The following KYAT3 variants were observed in gnomAD, a reference collection of about 807,000 sequenced individuals.
The protein encoded by KYAT3 is kynurenine--oxoglutarate transaminase 3.
In KYAT3, 50 loss-of-function variants were observed where a neutral mutation model predicts 59.0. The observed-to-expected ratio is 0.85, with a 90% CI of 0.68 to 1.07. The LOEUF is 1.07. KYAT3 is among the 50% of genes least tolerant of loss of function. KYAT3 has a pLI of 0.00. For synonymous variants in KYAT3, 148 were observed against 177.0 expected, an observed-to-expected ratio of 0.84 and a Z score of 1.30; for missense variants, 497 against 533.3, an observed-to-expected ratio of 0.93 and a Z score of 0.67.
chr1:88,962,872 G>T (rs906241363), intron 5 of KYAT3, among the ~76,000 whole-genome samples: 1 of 152,150 alleles, frequency 6.6e-6, no homozygotes, highest in East Asian at 1.9e-4. Context: ...AATACAAGGT[G>T]AGAGCACAAT....
chr1:88,990,881 T>C (rs74603347), intron 1 of KYAT3, among the ~76,000 whole-genome samples: 164 of 152,312 alleles, frequency 1.1e-3, no homozygotes, highest in Admixed American at 2.2e-3. Context: ...ATGAGATAAA[T>C]ACATTAAATT....
intron 4 of KYAT3, among the ~76,000 whole-genome samples, chr1:88,967,569 T>C (rs1676393408): frequency 1.3e-5 from 2 of 152,154 alleles, no homozygotes; most frequent in Admixed American, 6.5e-5. Context: ...ATTCATTTTC[T>C]TTCATTGACA....
At chr1:88,935,495 A>G (rs1675001238), downstream of KYAT3, among the ~76,000 whole-genome samples, 1 of 152,224 alleles carries the variant, frequency 6.6e-6, no homozygotes, top group African/African-American at 2.4e-5. Context: ...GAATCATAAA[A>G]GCCTCAGGGA....
chr1:88,961,888 G>A (rs3753683), intron 6 of KYAT3, among the ~76,000 whole-genome samples, 171 bp downstream of exon 6: 4 of 151,988 alleles, frequency 2.6e-5, no homozygotes, highest in Non-Finnish European at 5.9e-5. Context: ...ACTCACCTTA[G>A]TGTATTACTT....
intron 2 of KYAT3, among the ~76,000 whole-genome samples, chr1:88,986,326 A>T (rs78622419): frequency 1.5e-3 from 226 of 150,334 alleles, no homozygotes; most frequent in Non-Finnish European, 3.0e-3. Flanking sequence ...AAAAAAAAAA[A>T]TTAATAGACT....
intron 13 of KYAT3, among the ~76,000 whole-genome samples, chr1:88,936,797 G>A (rs1300617762): frequency 6.6e-6 from 1 of 152,234 alleles, no homozygotes; most frequent in African/African-American, 2.4e-5. Context: ...AGAGGTGTAA[G>A]CAGAGAAAAT....
At chr1:88,985,646 T>C (rs1677406914) in intron 2 of KYAT3, among the ~76,000 whole-genome samples, 1 of 152,194 alleles carries the variant, frequency 6.6e-6, no homozygotes, top group Admixed American at 6.5e-5. Flanking sequence ...GTTTCCTTAT[T>C]TGCTAAGCAG....
chr1:88,954,854 T>A (rs1675839146), intron 9 of KYAT3, among the ~76,000 whole-genome samples: 2 of 152,250 alleles, frequency 1.3e-5, no homozygotes, highest in African/African-American at 4.8e-5. Context: ...CTCAACTTCC[T>A]GAGCGCAAGT....
intron 8 of KYAT3, 80 bp from the exon 9 acceptor site, chr1:88,955,305 A>G: frequency 1.2e-6 from 1 of 820,884 alleles, no homozygotes; most frequent in Admixed American, 2.2e-5. Context: ...TAACAAAGAT[A>G]CATAAATTCA....
intron 8 of KYAT3, among the ~76,000 whole-genome samples, chr1:88,956,516 C>T (rs895109715): frequency 6.6e-6 from 1 of 152,126 alleles, no homozygotes; most frequent in African/African-American, 2.4e-5. Flanking sequence ...TGCAATTCTT[C>T]AAAAAATTTA....
intron 13 of KYAT3, among the ~76,000 whole-genome samples, chr1:88,938,887 A>T (rs1675133565): frequency 6.6e-6 from 1 of 152,234 alleles, no homozygotes; most frequent in African/African-American, 2.4e-5. Flanking sequence ...ATTACAAATG[A>T]TGCCTCAGTG....
At chr1:88,931,692 A>C (rs1448148710), downstream of KYAT3, among the ~76,000 whole-genome samples, 1 of 152,038 alleles carries the variant, frequency 6.6e-6, no homozygotes, top group Non-Finnish European at 1.5e-5. Context: ...CTGACCAATC[A>C]GAGAGCTCAG....
At chr1:88,985,379 G>A (rs1392399506) in intron 2 of KYAT3, among the ~76,000 whole-genome samples, 1 of 152,196 alleles carries the variant, frequency 6.6e-6, no homozygotes, top group Non-Finnish European at 1.5e-5. Context: ...AGAAGTTTGG[G>A]TTTGAGGCTG....
intron 2 of KYAT3, among the ~76,000 whole-genome samples, chr1:88,987,223 G>A (rs1457498697): frequency 6.6e-6 from 1 of 152,172 alleles, no homozygotes; most frequent in Non-Finnish European, 1.5e-5. Context: ...TGAGGATTGT[G>A]CACACAAATG....
chr1:88,955,278 A>C, intron 8 of KYAT3, 53 bp from the exon 9 acceptor site: 1 of 1,035,432 alleles, frequency 9.7e-7, no homozygotes, highest in African/African-American at 1.6e-5. Context: ...AATCACATTT[A>C]GTATAATCTA....
intron 2 of KYAT3, chr1:88,983,680 T>G: frequency 6.2e-7 from 1 of 1,613,860 alleles, no homozygotes; most frequent in Non-Finnish European, 8.5e-7. Context: ...AAGCAAATCC[T>G]CTTGATTTGT....
chr1:88,974,461 GTCTC>G (rs1308126740), intron 2 of KYAT3, among the ~76,000 whole-genome samples: 107 of 138,290 alleles, frequency 7.7e-4, no homozygotes, highest in African/African-American at 2.5e-3. Context: ...GCATTTTGGT[GTCTC>G]TCTCTTTTTT....
In KYAT3 at chr1:88,938,666, C is replaced by T. The variant is rs531969585; in HGVS notation, c.1303-2421G>A. On this transcript the variant is annotated intron_variant, in intron 13 of 13. Transcript: ENST00000260508. ...GTTTTCTGTTCCTGTGTTAGTTTGC[C>T]AAGGATAATAGGCTCCAGCTCCACC... Among the ~76,000 whole-genome samples, 71 of 152,228 alleles carry T rather than the reference C, an allele frequency of 4.7e-4. 3 individuals carry two copies. The highest frequency in any genetic ancestry group is 1.6e-3 in the African/African-American group (68 of 41,532).
At chr1:88,954,987 A>T (rs1353082638) in intron 9 of KYAT3, among the ~76,000 whole-genome samples, 162 bp downstream of exon 9, 1 of 152,204 alleles carries the variant, frequency 6.6e-6, no homozygotes, top group African/African-American at 2.4e-5. Context: ...GTTGGTCTTG[A>T]ACTCCTGGCC....
Sources: gnomAD v4.1 joint callset for allele counts (sites outside exome capture counted in the v4.1 genomes callset) on GRCh38, gnomAD v4.1.1 for gene constraint, MANE v1.5 for transcripts, NCBI Gene and HGNC (gene_info 2026-07-23, HGNC 2026-07-21) for gene names.